The following PELI2 variants were observed in gnomAD, a reference collection of about 807,000 sequenced individuals.
PELI2 encodes pellino E3 ubiquitin protein ligase family member 2.
In PELI2, 23 loss-of-function variants were observed where a neutral mutation model predicts 42.3. The ratio of observed to expected loss-of-function variants is 0.54; its 90% confidence interval spans 0.39 to 0.77. PELI2 has a LOEUF of 0.77. Ranked by LOEUF, PELI2 falls within the 30% of genes least tolerant of loss-of-function variation. PELI2 has a pLI of 0.00. For synonymous variants in PELI2, 245 were observed against 212.2 expected, an observed-to-expected ratio of 1.15 and a Z score of -1.34; for missense variants, 463 against 553.2, an observed-to-expected ratio of 0.84 and a Z score of 1.64.
chr14:56,165,283 C>T (rs1884915374), intron 1 of PELI2, among the ~76,000 whole-genome samples: 1 of 151,940 alleles, frequency 6.6e-6, no homozygotes, highest in South Asian at 2.1e-4. Context: ...CTTCATTGAC[C>T]CACTGGTCAT....
intron 5 of PELI2, among the ~76,000 whole-genome samples, chr14:56,295,901 G>T (rs1052809567): frequency 1.3e-5 from 2 of 152,222 alleles, no homozygotes; most frequent in African/African-American, 4.8e-5. Flanking sequence ...GGTTTTATTG[G>T]CCTTTGGTAC....
intron 1 of PELI2, among the ~76,000 whole-genome samples, chr14:56,159,658 A>G (rs566598838): frequency 1.3e-5 from 2 of 152,270 alleles, no homozygotes; most frequent in Admixed American, 6.5e-5. Flanking sequence ...ATTTTTACCC[A>G]TAGGGTAAAA....
chr14:56,150,959 A>G (rs1452159571), intron 1 of PELI2, among the ~76,000 whole-genome samples: 1 of 152,222 alleles, frequency 6.6e-6, no homozygotes, highest in African/African-American at 2.4e-5. Flanking sequence ...ATGGATAAGA[A>G]GACTGAAGTT....
At chr14:56,198,840 T>C (rs1886232609) in intron 2 of PELI2, among the ~76,000 whole-genome samples, 1 of 152,234 alleles carries the variant, frequency 6.6e-6, no homozygotes. Flanking sequence ...TATTCATTGG[T>C]CAATTTTGGT....
intron 2 of PELI2, among the ~76,000 whole-genome samples, chr14:56,266,058 A>T (rs761045392): frequency 1.2e-4 from 18 of 152,054 alleles, no homozygotes; most frequent in Non-Finnish European, 2.1e-4. Flanking sequence ...TGAACTGTTG[A>T]TACATGCATA....
rs1887282715 is a variant in PELI2, at chr14:56,224,848, G to A, written c.207+46384G>A. Among the ~76,000 whole-genome samples the A allele has an allele frequency of 2.4e-5, 3 of 124,352 alleles. No individual in the cohort carries two copies. The Admixed American group carries it at 2.6e-4, about 11-fold the overall frequency. The allele number at this position is 124,352 out of a possible 152,430, so 81.6% of individuals were successfully genotyped here. ...TAGTTGAATTAAAATGCAAAAACCT[G>A]GCCCCCATACCCTCTTCCTGTCTGC... On this transcript the variant is annotated intron_variant, in intron 2 of 5. Transcript: ENST00000267460.
chr14:56,179,541 C>T (rs1038530153), intron 2 of PELI2, among the ~76,000 whole-genome samples: 14 of 151,838 alleles, frequency 9.2e-5, no homozygotes, highest in Non-Finnish European at 1.5e-4. Flanking sequence ...TCAAACACCA[C>T]GGAAACAAGA....
In PELI2 at chr14:56,296,617, C is replaced by T. The variant is rs142842195; in HGVS notation, c.714C>T (p.Asn238=). The change falls in exon 6 of 6, where the codon AAC becomes AAT. Residue 238 remains asparagine, a synonymous_variant. Transcript: ENST00000267460. ...TGTTGTAGGTGGAAAGTGAGACCAACGTCCTGCAGGACGGCTCCCTCATTG... is the reference window on the plus strand; with the variant it reads ...TGTTGTAGGTGGAAAGTGAGACCAATGTCCTGCAGGACGGCTCCCTCATTG... The part of the protein sequence containing the change: ...QRGKLVESET[N]VLQDGSLIDL... 287 of 1,600,822 alleles carry T rather than the reference C, an allele frequency of 1.8e-4. No individual in the cohort carries two copies. The highest frequency in any genetic ancestry group is 2.3e-4 in the Non-Finnish European group (264 of 1,171,434).
chr14:56,142,780 A>G (rs1883964567), intron 1 of PELI2, among the ~76,000 whole-genome samples: 1 of 152,246 alleles, frequency 6.6e-6, no homozygotes, highest in South Asian at 2.1e-4. Context: ...AAGATGAAAA[A>G]AACTACTGCC....
intron 5 of PELI2, among the ~76,000 whole-genome samples, chr14:56,291,708 G>C (rs979738975): frequency 6.6e-6 from 1 of 152,204 alleles, no homozygotes; most frequent in Non-Finnish European, 1.5e-5. Flanking sequence ...GTCAGTAAAT[G>C]GTTGCTGGGT....
Position 56,118,741 on chromosome 14 carries a change from A to G in PELI2, c.77+4A>G. On this transcript the variant is annotated splice_donor_region_variant and intron_variant, in intron 1 of 5. Coordinates refer to ENST00000267460, the MANE Select transcript of PELI2 (RefSeq NM_021255.3). ...ACGGGGAGCTGGTGGTGCTCGGGTG[A>G]GTCCTGGGGTCCCTGGTCCCGGGCA... 1 of 1,496,702 alleles carries G rather than the reference A, an allele frequency of 6.7e-7. No homozygotes were observed. The highest frequency in any genetic ancestry group is 8.9e-7 in the Non-Finnish European group (1 of 1,117,550). 92.7% of individuals were successfully genotyped at this position (1,496,702 alleles called of 1,614,324 possible).
intron 2 of PELI2, among the ~76,000 whole-genome samples, chr14:56,221,187 A>G (rs1206785569): frequency 6.6e-6 from 1 of 152,178 alleles, no homozygotes; most frequent in Non-Finnish European, 1.5e-5. Flanking sequence ...AATTTAGGCC[A>G]TTGGGAAGGA....
intron 2 of PELI2, among the ~76,000 whole-genome samples, chr14:56,207,503 G>GC (rs975436364): frequency 4.6e-5 from 7 of 152,126 alleles, no homozygotes; most frequent in Non-Finnish European, 8.8e-5. Context: ...TATTATTGGG[G>GC]TATATTAGGA....
rs528549710 is a variant in PELI2 at position 56,238,832 on chromosome 14, G to A, written c.208-40844G>A. Among the ~76,000 whole-genome samples the A allele has an allele frequency of 7.2e-5, 11 of 152,258 alleles. No homozygotes were observed. The South Asian group carries it at 2.3e-3, about 32-fold the overall frequency. On this transcript the variant is annotated intron_variant, in intron 2 of 5. Transcript: ENST00000267460. ...TAACCAGGAGGATTTGTGGGTTAAAGTTATCTTAAGGTTCACATGAAGGGA... is the reference window on the plus strand; with the variant it reads ...TAACCAGGAGGATTTGTGGGTTAAAATTATCTTAAGGTTCACATGAAGGGA...
intron 1 of PELI2, among the ~76,000 whole-genome samples, chr14:56,153,006 C>T (rs555118953): frequency 1.3e-5 from 2 of 152,254 alleles, no homozygotes; most frequent in East Asian, 1.9e-4. Flanking sequence ...CCAAAATTAG[C>T]TGCTTAGAGC....
intron 2 of PELI2, among the ~76,000 whole-genome samples, chr14:56,269,403 A>G (rs1286210499): frequency 2.0e-5 from 3 of 152,162 alleles, no homozygotes; most frequent in African/African-American, 4.8e-5. Flanking sequence ...TGACTGTGCC[A>G]CTGTACTCCA....
chr14:56,141,396 A>T (rs1883901571), intron 1 of PELI2, among the ~76,000 whole-genome samples: 1 of 152,204 alleles, frequency 6.6e-6, no homozygotes, highest in African/African-American at 2.4e-5. Context: ...GAGAATGGCC[A>T]GTTGGGCAAC....
intron 2 of PELI2, among the ~76,000 whole-genome samples, chr14:56,239,128 A>G (rs1958996): frequency 0.4 from 61,302 of 152,068 alleles, 13,075 homozygotes; most frequent in South Asian, 0.53. Context: ...GTATAAATTC[A>G]TCTTTGTAAA....
chr14:56,269,283 A>G (rs1185631786), intron 2 of PELI2, among the ~76,000 whole-genome samples: 2 of 152,022 alleles, frequency 1.3e-5, no homozygotes, highest in East Asian at 3.9e-4. Context: ...TCTACAAAAA[A>G]ATACAAAAAA....
Sources: allele counts gnomAD v4.1 joint callset (sites outside exome capture counted in the v4.1 genomes callset), GRCh38; gene constraint gnomAD v4.1.1; transcripts MANE v1.5; gene names NCBI Gene and HGNC (gene_info 2026-07-23, HGNC 2026-07-21).